Variants in WDPCP observed in about 807,000 individuals in gnomAD.
The protein encoded by WDPCP is WD repeat containing planar cell polarity effector.
A neutral mutation model predicts 93.1 loss-of-function variants in WDPCP; 71 were observed. That is an observed-to-expected ratio of 0.76 (90% confidence interval 0.63 to 0.93). The LOEUF is 0.93. WDPCP is among the 40% of genes least tolerant of loss of function. The pLI is 0.00. For synonymous variants in WDPCP, 315 were observed against 315.0 expected (o/e 1.00, Z 0.00); for missense variants, 844 against 887.4 (o/e 0.95, Z 0.62).
At chr2:63,517,631 T>C (rs1036898182) in intron 1 of WDPCP, among the ~76,000 whole-genome samples, 4 of 152,150 alleles carry the variant, frequency 2.6e-5, no homozygotes, top group African/African-American at 9.7e-5. Context: ...CTAATATGAA[T>C]AGTTCCCTAA....
intron 3 of WDPCP, chr2:63,597,477 G>A: frequency 6.6e-7 from 1 of 1,519,236 alleles, no homozygotes; most frequent in Non-Finnish European, 8.9e-7. Flanking sequence ...ATGCCAAGAA[G>A]GGAAGGCATG....
At chr2:63,635,836 A>G (rs994660154) in intron 3 of WDPCP, among the ~76,000 whole-genome samples, 2 of 152,206 alleles carry the variant, frequency 1.3e-5, no homozygotes, top group Non-Finnish European at 2.9e-5. Context: ...TCTATTTAAC[A>G]TAGTACTGGA....
At chr2:63,583,453 G>A (rs1380263848) in intron 1 of WDPCP, among the ~76,000 whole-genome samples, 1 of 152,186 alleles carries the variant, frequency 6.6e-6, no homozygotes, top group Admixed American at 6.5e-5. Flanking sequence ...GGGAGGCCAG[G>A]CGGGCGGATC....
At chr2:63,822,923 T>C (rs2104134934) in intron 1 of WDPCP, among the ~76,000 whole-genome samples, 1 of 151,100 alleles carries the variant, frequency 6.6e-6, no homozygotes, top group Non-Finnish European at 1.5e-5. Flanking sequence ...TCTGCTTCTG[T>C]TATTATTAAC....
intron 12 of WDPCP, among the ~76,000 whole-genome samples, chr2:63,356,099 G>T (rs766395787): frequency 6.6e-6 from 1 of 152,042 alleles, no homozygotes; most frequent in Non-Finnish European, 1.5e-5. Flanking sequence ...CAAACAAATA[G>T]AAAACAGAAA....
chr2:63,329,754 C>T (rs373516036), intron 12 of WDPCP, among the ~76,000 whole-genome samples: 1 of 152,250 alleles, frequency 6.6e-6, no homozygotes, highest in South Asian at 2.1e-4. Flanking sequence ...CAGAATGCCT[C>T]ATTTCCCTAA....
At chr2:63,682,206 A>G (rs2103635800) in intron 2 of WDPCP, among the ~76,000 whole-genome samples, 1 of 152,372 alleles carries the variant, frequency 6.6e-6, no homozygotes, top group East Asian at 1.9e-4. Context: ...CCAGGGACCA[A>G]TCATGGAGAA....
At chr2:63,708,965 A>C (rs193252000) in intron 2 of WDPCP, among the ~76,000 whole-genome samples, 1 of 149,398 alleles carries the variant, frequency 6.7e-6, no homozygotes, top group African/African-American at 2.4e-5. Flanking sequence ...TCACGCCTGT[A>C]ATCCCAGTAC....
chr2:63,760,508 A>G (rs558364303), intron 2 of WDPCP, among the ~76,000 whole-genome samples: 90 of 152,068 alleles, frequency 5.9e-4, no homozygotes, highest in Non-Finnish European at 8.8e-4. Flanking sequence ...TTCAGATTCC[A>G]TAACTACTCA....
At chr2:63,657,856 C>T (rs748740409) in intron 2 of WDPCP, among the ~76,000 whole-genome samples, 1 of 152,156 alleles carries the variant, frequency 6.6e-6, no homozygotes, top group Non-Finnish European at 1.5e-5. Context: ...CAGCTGGCCT[C>T]TGCTTGGCAG....
chr2:63,405,972 T>C (rs1162927318), intron 9 of WDPCP, among the ~76,000 whole-genome samples: 1 of 152,182 alleles, frequency 6.6e-6, no homozygotes, highest in Non-Finnish European at 1.5e-5. Flanking sequence ...TTTCCTGTAT[T>C]TGACAGTGTA....
At chr2:63,269,555 TA>T (rs1206824864) in intron 13 of WDPCP, among the ~76,000 whole-genome samples, 1 of 152,132 alleles carries the variant, frequency 6.6e-6, no homozygotes, top group African/African-American at 2.4e-5. Context: ...CATTTAAAGC[TA>T]AAAAAATCTT....
At chr2:63,343,009 T>A (rs1688952419) in intron 12 of WDPCP, among the ~76,000 whole-genome samples, 1 of 149,118 alleles carries the variant, frequency 6.7e-6, no homozygotes, top group Non-Finnish European at 1.5e-5. Flanking sequence ...TCTTTGTTGT[T>A]GGTTTTTTTC....
At chr2:63,156,124 C>T (rs931448173) in intron 15 of WDPCP, among the ~76,000 whole-genome samples, 6 of 152,006 alleles carry the variant, frequency 3.9e-5, no homozygotes, top group African/African-American at 7.2e-5. Context: ...CTCAGCCTCC[C>T]GAGTAGCTGG....
At chr2:63,429,946 C>T (rs772843067) in intron 9 of WDPCP, among the ~76,000 whole-genome samples, 1 of 146,612 alleles carries the variant, frequency 6.8e-6, no homozygotes, top group African/African-American at 2.5e-5. Context: ...AGGTGCCCAT[C>T]GAATGGTGGA....
At chr2:63,206,590 G>A (rs1676349462) in intron 14 of WDPCP, among the ~76,000 whole-genome samples, 1 of 151,958 alleles carries the variant, frequency 6.6e-6, no homozygotes, top group African/African-American at 2.4e-5. Context: ...GAAGCTGGGA[G>A]TACAGGAGTG....
chr2:63,578,392 G>A (rs1306852333), intron 1 of WDPCP, among the ~76,000 whole-genome samples: 1 of 152,230 alleles, frequency 6.6e-6, no homozygotes, highest in Non-Finnish European at 1.5e-5. Context: ...AGAACAGGAT[G>A]CAAATCCATA....
At chr2:63,328,140 C>T (rs7591487) in intron 12 of WDPCP, among the ~76,000 whole-genome samples, 1 of 152,098 alleles carries the variant, frequency 6.6e-6, no homozygotes, top group Non-Finnish European at 1.5e-5. Context: ...ATGCACCAAC[C>T]AGCACTCTGT....
At chr2:63,567,874 T>C (rs182741995) in intron 1 of WDPCP, among the ~76,000 whole-genome samples, 209 of 152,318 alleles carry the variant, frequency 1.4e-3, no homozygotes, top group African/African-American at 5.0e-3. Context: ...TTAAACTCAT[T>C]GAATAAATAA....
Sources: gnomAD v4.1 joint callset for allele counts (sites outside exome capture counted in the v4.1 genomes callset) on GRCh38, gnomAD v4.1.1 for gene constraint, MANE v1.5 for transcripts, NCBI Gene and HGNC (gene_info 2026-07-23, HGNC 2026-07-21) for gene names.